Variants in SPAG16 observed in about 807,000 individuals in gnomAD.
The protein encoded by SPAG16 is sperm-associated antigen 16 protein.
In SPAG16, 86 loss-of-function variants were observed where a neutral mutation model predicts 80.4. The ratio of observed to expected loss-of-function variants is 1.07; its 90% CI spans 0.90 to 1.28. The LOEUF (loss-of-function observed/expected upper bound fraction) is 1.28. SPAG16 is among the 50% of genes most tolerant of loss of function. The probability of loss-of-function intolerance (pLI) is 0.00; values close to 1 mark genes in which losing one functional copy is unlikely to be tolerated. For synonymous variants in SPAG16, 294 were observed against 265.9 expected, an observed-to-expected ratio of 1.11 and a Z score of -1.03; for missense variants, 870 against 765.3, an observed-to-expected ratio of 1.14 and a Z score of -1.61.
chr2:213,899,134 G>T (rs904382845), intron 11 of SPAG16, among the ~76,000 whole-genome samples: 7 of 152,106 alleles, frequency 4.6e-5, no homozygotes, highest in African/African-American at 1.7e-4. Context: ...TAGGCCAGTT[G>T]TGAGTTAGGA....
At chr2:214,075,539 G>A (rs544908324) in intron 13 of SPAG16, among the ~76,000 whole-genome samples, 1 of 152,106 alleles carries the variant, frequency 6.6e-6, no homozygotes, top group Non-Finnish European at 1.5e-5. Context: ...AAACGCTTGT[G>A]ATTTCAGCAC....
At chr2:214,014,884 A>G (rs1420851711) in intron 13 of SPAG16, among the ~76,000 whole-genome samples, 1 of 152,222 alleles carries the variant, frequency 6.6e-6, no homozygotes, top group Non-Finnish European at 1.5e-5. Context: ...AAGGGGTTAC[A>G]GTCTGCAGGG....
In SPAG16 at chr2:213,619,518, C is replaced by T. The variant is rs144724884; in HGVS notation, c.1070+129428C>T. Among the ~76,000 whole-genome samples, 656 of 152,230 alleles carry T rather than the reference C, an allele frequency of 4.3e-3. 6 individuals are homozygous for T. The highest frequency in any genetic ancestry group is 0.015 in the African/African-American group (618 of 41,544). On this transcript the variant is annotated intron_variant, in intron 10 of 15. Coordinates refer to ENST00000331683, the MANE Select transcript of SPAG16 (RefSeq NM_024532.5). ...AAAACGGGCAAAGCGTATGAATAGA[C>T]ATTCCTCAAAAGAAGATATTCAGAT...
chr2:213,632,662 T>C (rs1474547743), intron 10 of SPAG16, among the ~76,000 whole-genome samples: 1 of 152,122 alleles, frequency 6.6e-6, no homozygotes, highest in African/African-American at 2.4e-5. Flanking sequence ...CCAGTTTTTT[T>C]AGTGTTTTTA....
At chr2:214,099,709 G>A (rs16851464) in intron 13 of SPAG16, among the ~76,000 whole-genome samples, 13,220 of 151,964 alleles carry the variant, frequency 0.087, 752 homozygotes, top group East Asian at 0.29. Flanking sequence ...ACTTTTCATT[G>A]GAGAGTGTTT....
At chr2:213,496,502 C>T (rs1051973919) in intron 10 of SPAG16, among the ~76,000 whole-genome samples, 4 of 152,010 alleles carry the variant, frequency 2.6e-5, no homozygotes, top group South Asian at 2.1e-4. Context: ...TGCTGCCTAG[C>T]GAACAGGTTC....
At chr2:213,378,726 C>G (rs1559473055) in intron 9 of SPAG16, among the ~76,000 whole-genome samples, 1 of 152,142 alleles carries the variant, frequency 6.6e-6, no homozygotes, top group South Asian at 2.1e-4. Flanking sequence ...TTCTGTAGTC[C>G]CTTTGCCTTC....
chr2:214,327,480 C>T (rs1696574249), intron 15 of SPAG16, among the ~76,000 whole-genome samples: 1 of 152,150 alleles, frequency 6.6e-6, no homozygotes, highest in Non-Finnish European at 1.5e-5. Context: ...CATATTGTGG[C>T]CATTACTATC....
chr2:213,953,721 G>T (rs568410125), intron 12 of SPAG16, among the ~76,000 whole-genome samples: 1 of 151,790 alleles, frequency 6.6e-6, no homozygotes, highest in Non-Finnish European at 1.5e-5. Context: ...TCAAGTAGAA[G>T]TTTAAGAAGG....
At chr2:214,076,256 G>T (rs981683199) in intron 13 of SPAG16, among the ~76,000 whole-genome samples, 4 of 152,076 alleles carry the variant, frequency 2.6e-5, no homozygotes, top group African/African-American at 9.7e-5. Context: ...AAATTAGTCT[G>T]CACTACTTGA....
intron 10 of SPAG16, among the ~76,000 whole-genome samples, chr2:213,532,760 T>A (rs1371216710): frequency 6.6e-6 from 1 of 151,990 alleles, no homozygotes; most frequent in Non-Finnish European, 1.5e-5. Flanking sequence ...CGCACTCAGC[T>A]GTGTTTAACT....
rs1178665680 is a variant in SPAG16, at chr2:214,114,517, C to T, written c.1593+6256C>T. Reference sequence around the variant, plus strand: ...CAAGCCTCAGCAATGGTGGATGCCCCTCCCCCTGCCAGGCTGAAGCCTCAC... The same window carrying T: ...CAAGCCTCAGCAATGGTGGATGCCCTTCCCCCTGCCAGGCTGAAGCCTCAC... On this transcript the variant is annotated intron_variant, in intron 14 of 15. Transcript: ENST00000331683. 7.2e-5 allele frequency among the ~76,000 whole-genome samples: 11 copies of T among 152,204 alleles called. 1 individual carries two copies. The South Asian group carries it at 1.4e-3, about 20-fold the overall frequency.
rs530294307 is a variant in SPAG16, at chr2:214,254,971, T to G, written c.1720+105705T>G. Among the ~76,000 whole-genome samples the G allele has an allele frequency of 2.2e-3, 337 of 152,152 alleles. 2 individuals carry two copies. Among genetic ancestry groups the G allele is most frequent in the African/African-American group, 7.7e-3 (319 of 41,550 alleles). On this transcript the variant is annotated intron_variant, in intron 15 of 15. Coordinates refer to ENST00000331683, the MANE Select transcript of SPAG16 (RefSeq NM_024532.5). ...ATTGAAAACCAGGATCCAGTGCTGG[T>G]TTTGACACTTGATAGCCTGAGGGGA...
chr2:214,228,176 T>G (rs1688412070), intron 15 of SPAG16, among the ~76,000 whole-genome samples: 1 of 151,998 alleles, frequency 6.6e-6, no homozygotes, highest in East Asian at 1.9e-4. Context: ...CTACTTTCCT[T>G]AAGAACTTAG....
At chr2:213,481,215 G>T (rs1014892707) in intron 9 of SPAG16, among the ~76,000 whole-genome samples, 1 of 152,116 alleles carries the variant, frequency 6.6e-6, no homozygotes, top group South Asian at 2.1e-4. Context: ...TAATCTAAAA[G>T]TCATTGAAAT....
At chr2:213,415,243 T>C in intron 9 of SPAG16, among the ~76,000 whole-genome samples, 1 of 152,140 alleles carries the variant, frequency 6.6e-6, no homozygotes, top group Non-Finnish European at 1.5e-5. Context: ...CCCAAGCTTT[T>C]CAGAGGGGCC....
intron 10 of SPAG16, among the ~76,000 whole-genome samples, chr2:213,514,468 A>G (rs897372219): frequency 1.3e-5 from 2 of 152,156 alleles, no homozygotes; most frequent in Admixed American, 1.3e-4. Context: ...TTTTGTCGGC[A>G]TATTTTTTTT....
At chr2:213,715,116 G>A (rs957063719) in intron 10 of SPAG16, among the ~76,000 whole-genome samples, 8 of 152,114 alleles carry the variant, frequency 5.3e-5, no homozygotes, top group African/African-American at 1.7e-4. Flanking sequence ...GTATAAGAGT[G>A]GAAGAAAATA....
At chr2:213,430,789 TAAAGTCAACAC>T (rs1216829909) in intron 9 of SPAG16, among the ~76,000 whole-genome samples, 3 of 152,104 alleles carry the variant, frequency 2.0e-5, no homozygotes, top group Non-Finnish European at 2.9e-5. Flanking sequence ...TTGGAATGTC[TAAAGTCAACAC>T]AAAGGAAAAA....
Sources: gnomAD v4.1 joint callset for allele counts (sites outside exome capture counted in the v4.1 genomes callset) on GRCh38, gnomAD v4.1.1 for gene constraint, MANE v1.5 for transcripts, NCBI Gene and HGNC (gene_info 2026-07-23, HGNC 2026-07-21) for gene names.